Variants in DLG1 observed in about 807,000 individuals in gnomAD.
DLG1 encodes disks large homolog 1.
Under a neutral mutation model 123.4 loss-of-function variants are expected in DLG1, and 42 were observed. The ratio of observed to expected loss-of-function variants is 0.34; its 90% CI spans 0.27 to 0.44. The LOEUF (loss-of-function observed/expected upper bound fraction) is 0.44. DLG1 is among the 20% of genes least tolerant of loss of function. DLG1 has a pLI of 1.00. For synonymous variants in DLG1, 317 were observed against 356.2 expected (o/e 0.89, Z 1.24); for missense variants, 942 against 1,082.6 (o/e 0.87, Z 1.82).
At chr3:197,099,720 A>G (rs1282742241) in intron 14 of DLG1, among the ~76,000 whole-genome samples, 2 of 152,240 alleles carry the variant, frequency 1.3e-5, no homozygotes, top group Non-Finnish European at 2.9e-5. Context: ...TTAACATGCA[A>G]TCCCTATAAA....
chr3:197,107,632 T>A (rs1325021563), intron 13 of DLG1, among the ~76,000 whole-genome samples: 2 of 152,054 alleles, frequency 1.3e-5, no homozygotes, highest in African/African-American at 4.8e-5. Context: ...ACTTAAGTAT[T>A]TTATTCTTTT....
intron 1 of DLG1, chr3:197,297,764 C>G: frequency 1.0e-6 from 1 of 986,236 alleles, no homozygotes. Flanking sequence ...CCCGCATGCA[C>G]ACCTCCGCGG....
At chr3:197,183,704 C>A (rs1198809589) in intron 5 of DLG1, 1 of 1,550,278 alleles carries the variant, frequency 6.5e-7, no homozygotes, top group Non-Finnish European at 8.7e-7. Flanking sequence ...CCTTTTTTGC[C>A]CAGTGTTTCT....
At chr3:197,061,389 G>A (rs949684193) in intron 22 of DLG1, among the ~76,000 whole-genome samples, 1 of 152,090 alleles carries the variant, frequency 6.6e-6, no homozygotes, top group Non-Finnish European at 1.5e-5. Flanking sequence ...ACTGCATAAT[G>A]CTCCTTCACC....
Position 197,065,410 on chromosome 3 carries a change from T to C in DLG1, c.2239A>G (p.Arg747Gly), listed in dbSNP as rs1200127049. The change falls in exon 22 of 25, where the codon AGA becomes GGA. Residue 747 changes from arginine (R) to glycine (G), a missense_variant. By Grantham distance (125) the Arg-to-Gly change is moderately radical. Transcript: ENST00000667157. ...RPKRDYEVDG[R>G]DYHFVTSREQ... ...CTTGAAGTCACAAAATGATAATCTC[T>C]TCCATCTACCTCATAATCTCGTTTT... 6.2e-7 allele frequency: 1 copy of C among 1,612,782 alleles called. No individual in the cohort carries two copies. The highest frequency in any genetic ancestry group is 2.2e-5 in the East Asian group (1 of 44,806).
chr3:197,049,737 A>C (rs1417250120), intron 24 of DLG1, among the ~76,000 whole-genome samples: 2 of 151,730 alleles, frequency 1.3e-5, no homozygotes, highest in African/African-American at 4.8e-5. Context: ...CAAGAGCAAA[A>C]CTCCATCTCC....
At chr3:197,204,403 T>A (rs2150351966) in intron 4 of DLG1, among the ~76,000 whole-genome samples, 1 of 152,318 alleles carries the variant, frequency 6.6e-6, no homozygotes, top group South Asian at 2.1e-4. Flanking sequence ...TGTTTTCAAA[T>A]GGGGTTAACT....
rs1180577477 is a variant in DLG1 at position 197,043,702 on chromosome 3, G to C, written c.*921C>G. ...TATAACAAAATAGGCAGCTATTGTG[G>C]GTAAAATATTCAGTAAAATCTGACT... is the stretch of plus-strand genomic sequence containing the variant. On this transcript the variant is annotated 3_prime_UTR_variant, in exon 25 of 25. Transcript: ENST00000667157. 6.6e-6 allele frequency: 1 copy of C among 151,390 alleles called. No homozygotes were observed. Among genetic ancestry groups the C allele is most frequent in the Admixed American group, 6.6e-5 (1 of 15,170 alleles). 9.4% of individuals were successfully genotyped at this position (151,390 alleles called of 1,614,324 possible). A position where few individuals can be genotyped will look rare whatever the true frequency, so the allele number is the denominator to read the frequency against.
At chr3:197,212,795 G>A (rs1375752607) in intron 4 of DLG1, among the ~76,000 whole-genome samples, 1 of 152,116 alleles carries the variant, frequency 6.6e-6, no homozygotes, top group African/African-American at 2.4e-5. Flanking sequence ...TTTTGTGAGA[G>A]ACAGAATTCA....
chr3:197,232,361 T>TAA (rs34360912), intron 4 of DLG1, among the ~76,000 whole-genome samples: 13 of 121,258 alleles, frequency 1.1e-4, no homozygotes, highest in African/African-American at 3.6e-4. Flanking sequence ...CCTTGTCTCT[T>TAA]AAAAAAAAAA....
At chr3:197,220,308 T>C (rs183218586) in intron 4 of DLG1, among the ~76,000 whole-genome samples, 3 of 152,290 alleles carry the variant, frequency 2.0e-5, no homozygotes, top group African/African-American at 7.2e-5. Flanking sequence ...GTATTTGTTT[T>C]AAAATAAAAT....
At position 197,140,221 on chromosome 3, in the gene DLG1, T is replaced by C. The variant is rs1787288333; in HGVS notation, c.632A>G (p.Asn211Ser). ...ACTTGAGTCATCTCCAATGTGTGGGTTGTCCGTACCTCCTGCAATGCTGAA... is the reference window on the plus strand; with the variant it reads ...ACTTGAGTCATCTCCAATGTGTGGGCTGTCCGTACCTCCTGCAATGCTGAA... ...LGFSIAGGTD[N>S]PHIGDDSSIF... The change falls in exon 8 of 25, where the codon AAC (asparagine) becomes AGC (serine). Residue 211 changes from asparagine (N) to serine (S), a missense_variant. Physicochemically the swap from Asn to Ser is conservative, Grantham distance 46. Transcript: ENST00000667157. The C allele has an allele frequency of 5.0e-6, 8 of 1,613,532 alleles. No homozygotes were observed. Among genetic ancestry groups the C allele is most frequent in the Non-Finnish European group, 6.8e-6 (8 of 1,179,746 alleles).
upstream of DLG1, chr3:197,298,881 CCTAA>C (rs774549725): frequency 3.5e-5 from 11 of 310,872 alleles, no homozygotes; most frequent in Admixed American, 1.5e-4. Flanking sequence ...GATTTTTAAG[CCTAA>C]CTGATTAATT....
intron 5 of DLG1, among the ~76,000 whole-genome samples, chr3:197,181,513 A>C (rs1259336814): frequency 6.6e-6 from 1 of 152,204 alleles, no homozygotes; most frequent in African/African-American, 2.4e-5. Context: ...GCCATGAGTC[A>C]GTAAGTGCAA....
At position 197,126,459 on chromosome 3, in the gene DLG1, C is replaced by T. The variant is rs144643792; in HGVS notation, c.1165+4068G>A. On this transcript the variant is annotated intron_variant, in intron 11 of 24. Coordinates refer to ENST00000667157, the MANE Select transcript of DLG1 (RefSeq NM_001366207.1). ...TCCAGCCTGGGCAACAAGAGCGAAA[C>T]TCCATCTTAAAAAAAAAAAACAACA... Among the ~76,000 whole-genome samples, 153 of 151,134 alleles carry T rather than the reference C, an allele frequency of 1.0e-3. 7 individuals are homozygous for T. The East Asian group carries it at 0.026, about 26-fold the overall frequency.
chr3:197,085,025 G>T (rs1397334632), intron 16 of DLG1, among the ~76,000 whole-genome samples: 1 of 151,328 alleles, frequency 6.6e-6, no homozygotes, highest in Non-Finnish European at 1.5e-5. Context: ...GACCTCAAGT[G>T]ATCCACCCGC....
chr3:197,174,073 ACT>A (rs1340172116), intron 5 of DLG1, among the ~76,000 whole-genome samples: 1 of 152,104 alleles, frequency 6.6e-6, no homozygotes, highest in Admixed American at 6.6e-5. Flanking sequence ...ACACAGTGAG[ACT>A]CTGTCTCAAA....
chr3:197,060,186 A>C (rs954435268), intron 22 of DLG1, among the ~76,000 whole-genome samples, 188 bp from the exon 23 acceptor site: 1 of 152,234 alleles, frequency 6.6e-6, no homozygotes, highest in Non-Finnish European at 1.5e-5. Context: ...TGCATAATTA[A>C]TTTGCCATTT....
At chr3:197,241,480 A>G (rs1748819534) in intron 4 of DLG1, among the ~76,000 whole-genome samples, 1 of 152,186 alleles carries the variant, frequency 6.6e-6, no homozygotes, top group Admixed American at 6.5e-5. Context: ...TGAAGGTGTA[A>G]AACCCACTGG....
Sources: gnomAD v4.1 joint callset for allele counts (sites outside exome capture counted in the v4.1 genomes callset) on GRCh38, gnomAD v4.1.1 for gene constraint, MANE v1.5 for transcripts, NCBI Gene and HGNC (gene_info 2026-07-23, HGNC 2026-07-21) for gene names.